The following NPAS3 variants were observed in gnomAD, a reference collection of about 807,000 sequenced individuals.
NPAS3 encodes the protein neuronal PAS domain protein 3, also known as neuronal PAS domain-containing protein 3.
In NPAS3, 14 loss-of-function variants were observed where a neutral mutation model predicts 73.1. The ratio of observed to expected loss-of-function variants is 0.19; its 90% CI spans 0.13 to 0.30. NPAS3 has a LOEUF of 0.30. Ranked by LOEUF, NPAS3 falls within the 10% of genes least tolerant of loss-of-function variation. The pLI is 1.00. For missense variants in NPAS3, 1,096 were observed against 1,250.0 expected, an observed-to-expected ratio of 0.88 and a Z score of 1.86; for synonymous variants, 620 against 541.5, an observed-to-expected ratio of 1.14 and a Z score of -2.01.
intron 7 of NPAS3, among the ~76,000 whole-genome samples, chr14:33,769,790 G>T (rs1326309988): frequency 2.6e-5 from 2 of 78,214 alleles, no homozygotes; most frequent in East Asian, 4.6e-4. Flanking sequence ...TTTGAGACAA[G>T]ATCTTGCTCT....
At chr14:32,995,661 G>T (rs2038538312) in intron 1 of NPAS3, among the ~76,000 whole-genome samples, 1 of 152,166 alleles carries the variant, frequency 6.6e-6, no homozygotes, top group Admixed American at 6.5e-5. Flanking sequence ...TTTAAAAGTG[G>T]GAGTTTCTCT....
At chr14:33,341,946 C>T (rs899394432) in intron 3 of NPAS3, among the ~76,000 whole-genome samples, 2 of 152,148 alleles carry the variant, frequency 1.3e-5, no homozygotes, top group Non-Finnish European at 2.9e-5. Flanking sequence ...AAATTTCAGT[C>T]GTCGTTTCTG....
intron 3 of NPAS3, among the ~76,000 whole-genome samples, chr14:33,271,219 C>G (rs1234815734): frequency 6.6e-6 from 1 of 152,194 alleles, no homozygotes; most frequent in Non-Finnish European, 1.5e-5. Flanking sequence ...CCTCTCTGTG[C>G]AGCATTTCTT....
chr14:32,935,108 C>A, upstream of NPAS3: 1 of 532,652 alleles, frequency 1.9e-6, no homozygotes, highest in South Asian at 7.9e-5. Flanking sequence ...TGCACATTGC[C>A]AGGGCTCACT....
intron 2 of NPAS3, among the ~76,000 whole-genome samples, chr14:33,086,690 T>C (rs868839194): frequency 2.6e-5 from 4 of 152,180 alleles, no homozygotes; most frequent in South Asian, 2.1e-4. Context: ...TATTTGACCT[T>C]GTAAGATTTC....
intron 5 of NPAS3, among the ~76,000 whole-genome samples, chr14:33,586,502 C>T (rs1264430384): frequency 1.3e-5 from 2 of 152,032 alleles, no homozygotes; most frequent in Admixed American, 6.6e-5. Flanking sequence ...TATAATTATA[C>T]ATAATAGTAT....
At chr14:33,676,141 C>T (rs1484899715) in intron 5 of NPAS3, 70 bp from the exon 6 acceptor site, 7 of 1,468,328 alleles carry the variant, frequency 4.8e-6, no homozygotes, top group Non-Finnish European at 6.6e-6. Context: ...ATCTGAATCA[C>T]TGTGTTGAAT....
At chr14:33,455,787 C>A (rs918095732) in intron 4 of NPAS3, among the ~76,000 whole-genome samples, 1 of 152,204 alleles carries the variant, frequency 6.6e-6, no homozygotes, top group Non-Finnish European at 1.5e-5. Context: ...TAACGAGTGG[C>A]TCCTCTAAGA....
At chr14:33,242,056 A>C (rs997917567) in intron 3 of NPAS3, among the ~76,000 whole-genome samples, 1 of 151,976 alleles carries the variant, frequency 6.6e-6, no homozygotes, top group Non-Finnish European at 1.5e-5. Context: ...CCTTATAAAA[A>C]TTTTGTTTTC....
intron 2 of NPAS3, among the ~76,000 whole-genome samples, chr14:33,098,345 G>A (rs2042483549): frequency 6.6e-6 from 1 of 152,136 alleles, no homozygotes. Flanking sequence ...GGATTGTAGA[G>A]AGTCAAATTA....
chr14:33,453,021 G>T (rs2049872502), intron 4 of NPAS3, among the ~76,000 whole-genome samples: 1 of 152,054 alleles, frequency 6.6e-6, no homozygotes, highest in South Asian at 2.1e-4. Flanking sequence ...GCAACTAAAT[G>T]ACATGATCGT....
chr14:33,639,844 G>A (rs1232344003), intron 5 of NPAS3, among the ~76,000 whole-genome samples: 6 of 152,202 alleles, frequency 3.9e-5, no homozygotes, highest in African/African-American at 1.2e-4. Flanking sequence ...GTGGTAAAAT[G>A]TGAACTGAGG....
At chr14:33,382,246 A>G (rs926974385) in intron 4 of NPAS3, among the ~76,000 whole-genome samples, 1 of 152,180 alleles carries the variant, frequency 6.6e-6, no homozygotes, top group Non-Finnish European at 1.5e-5. Flanking sequence ...CATTGAAAAA[A>G]AAAATCCAGG....
intron 7 of NPAS3, among the ~76,000 whole-genome samples, chr14:33,755,994 C>A (rs1253301997): frequency 6.6e-6 from 1 of 152,128 alleles, no homozygotes; most frequent in African/African-American, 2.4e-5. Context: ...TTCATCTATT[C>A]ATGAGGGTTC....
chr14:33,759,222 TAGC>T, intron 7 of NPAS3, among the ~76,000 whole-genome samples: 1 of 152,304 alleles, frequency 6.6e-6, no homozygotes, highest in Admixed American at 6.5e-5. Context: ...CAAACATACA[TAGC>T]AGTCCTCCAG....
At chr14:33,097,935 T>A (rs1455488643) in intron 2 of NPAS3, among the ~76,000 whole-genome samples, 1 of 152,172 alleles carries the variant, frequency 6.6e-6, no homozygotes, top group Non-Finnish European at 1.5e-5. Flanking sequence ...AAATATAATC[T>A]CCCTTTCCTC....
chr14:33,490,728 C>T (rs74044819), intron 4 of NPAS3, among the ~76,000 whole-genome samples: 2,218 of 152,298 alleles, frequency 0.015, 64 homozygotes, highest in African/African-American at 0.049. Flanking sequence ...TCACCCTGCA[C>T]TGTGCTGGAA....
At chr14:33,618,769 T>A (rs934060118) in intron 5 of NPAS3, among the ~76,000 whole-genome samples, 10 of 152,228 alleles carry the variant, frequency 6.6e-5, no homozygotes, top group African/African-American at 2.4e-4. Context: ...TTTGCCACAG[T>A]TCATAGAAAC....
chr14:33,038,628 G>A (rs1223888586), intron 1 of NPAS3, among the ~76,000 whole-genome samples: 3 of 152,094 alleles, frequency 2.0e-5, no homozygotes, highest in Non-Finnish European at 2.9e-5. Flanking sequence ...TGTTTTCCAT[G>A]ATAGTTGGAT....
Sources: gnomAD v4.1 joint callset for allele counts (sites outside exome capture counted in the v4.1 genomes callset) on GRCh38, gnomAD v4.1.1 for gene constraint, MANE v1.5 for transcripts, NCBI Gene and HGNC (gene_info 2026-07-23, HGNC 2026-07-21) for gene names.